SMYD1: variants seen among roughly 807,000 people sequenced by gnomAD.
SMYD1 encodes histone-lysine N-methyltransferase SMYD1.
In SMYD1, 49 loss-of-function variants were observed where a neutral mutation model predicts 54.0. The ratio of observed to expected loss-of-function variants is 0.91; its 90% CI spans 0.72 to 1.15. SMYD1 has a LOEUF of 1.15. SMYD1 is among the 50% of genes most tolerant of loss of function. SMYD1 has a pLI of 0.00. For synonymous variants in SMYD1, 269 were observed against 234.2 expected (o/e 1.15, Z -1.36); for missense variants, 653 against 639.6 (o/e 1.02, Z -0.23).
Position 88,113,025 on chromosome 2 carries a change from G to C in SMYD1, c.*2513G>C, listed in dbSNP as rs182088662. On this transcript the variant is annotated 3_prime_UTR_variant, in exon 10 of 10. Coordinates refer to ENST00000419482, the MANE Select transcript of SMYD1 (RefSeq NM_198274.4). ...TCCAGCCCCACTCATCCTCTCGGAT[G>C]TTCTGCAGGCCCAGCAAACTCATCA... 1.3e-5 allele frequency: 2 copies of C among 152,282 alleles called. No homozygotes were observed. Among genetic ancestry groups the C allele is most frequent in the Admixed American group, 6.5e-5 (1 of 15,306 alleles). The allele number at this position is 152,282 out of a possible 1,614,324, so 9.4% of individuals were successfully genotyped here.
intron 6 of SMYD1, among the ~76,000 whole-genome samples, chr2:88,101,815 AG>A: frequency 6.6e-6 from 1 of 152,164 alleles, no homozygotes; most frequent in East Asian, 1.9e-4. Flanking sequence ...CCTATTGTCC[AG>A]GTTGGTATCA....
intron 5 of SMYD1, among the ~76,000 whole-genome samples, chr2:88,093,809 A>G (rs1312330579): frequency 3.3e-5 from 5 of 151,868 alleles, no homozygotes; most frequent in Admixed American, 6.6e-5. Flanking sequence ...TGCTCTTCCA[A>G]CCTTGAAGCA....
Position 88,081,440 on chromosome 2 carries a change from CT to C in SMYD1, c.138-2862del, listed in dbSNP as rs1165739190. 6.6e-3 allele frequency among the ~76,000 whole-genome samples: 926 copies of C among 140,172 alleles called. 1 individual carries two copies. The highest frequency in any genetic ancestry group is 9.5e-3 in the Non-Finnish European group (609 of 63,814). 92.0% of individuals were successfully genotyped at this position (140,172 alleles called of 152,430 possible). ...ATTTGTAATTTGACCCTAATTTTTT[CT>C]TTTTTTTTTTTTTGAGACAGAGTCT... On this transcript the variant is annotated intron_variant, in intron 1 of 9. Transcript: ENST00000419482.
chr2:88,101,634 C>T (rs1674722417), intron 6 of SMYD1, among the ~76,000 whole-genome samples: 1 of 152,204 alleles, frequency 6.6e-6, no homozygotes, highest in South Asian at 2.1e-4. Flanking sequence ...GAGACAGGGT[C>T]TCACTCTGTC....
intron 5 of SMYD1, among the ~76,000 whole-genome samples, chr2:88,093,930 A>G (rs1674518740): frequency 6.6e-6 from 1 of 152,196 alleles, no homozygotes; most frequent in African/African-American, 2.4e-5. Context: ...GTCTGTTTAT[A>G]AGCCCCAACT....
chr2:88,090,466 T>G (rs1336155275), intron 3 of SMYD1, among the ~76,000 whole-genome samples: 8 of 152,232 alleles, frequency 5.3e-5, no homozygotes, highest in Non-Finnish European at 1.2e-4. Flanking sequence ...GCCTTGAATC[T>G]CAGAGATAAG....
intron 7 of SMYD1, among the ~76,000 whole-genome samples, chr2:88,104,562 G>A (rs1053149214): frequency 6.6e-6 from 1 of 152,188 alleles, no homozygotes; most frequent in African/African-American, 2.4e-5. Context: ...GGCTAGGTGT[G>A]GCTCTGGACA....
intron 4 of SMYD1, among the ~76,000 whole-genome samples, chr2:88,092,471 A>G (rs1674484392): frequency 6.6e-6 from 1 of 152,192 alleles, no homozygotes; most frequent in Admixed American, 6.5e-5. Context: ...AACAATGAGC[A>G]AGTTTCCCCC....
At chr2:88,086,003 G>A (rs1349923241) in intron 2 of SMYD1, among the ~76,000 whole-genome samples, 2 of 152,190 alleles carry the variant, frequency 1.3e-5, no homozygotes, top group Admixed American at 1.3e-4. Flanking sequence ...GGGACCCTGA[G>A]GTGATGGCAC....
chr2:88,091,268 A>C, intron 4 of SMYD1, 126 bp downstream of exon 4: 1 of 1,008,622 alleles, frequency 9.9e-7, no homozygotes, highest in Non-Finnish European at 1.4e-6. Flanking sequence ...AATGTATAGC[A>C]CATAGAAATC....
At position 88,067,890 on chromosome 2, in the gene SMYD1, T is replaced by TGGA; in HGVS notation, c.29_31dup (p.Glu10dup). ...ATGACAATAGGGAGAATGGAGAACG[T>TGGA]GGAGGTCTTCACCGCTGAGGGCAAA... On this transcript the variant is annotated inframe_insertion, in exon 1 of 10. Transcript: ENST00000419482. The TGGA allele has an allele frequency of 6.2e-7, 1 of 1,614,042 alleles. No homozygotes were observed. The highest frequency in any genetic ancestry group is 2.2e-5 in the East Asian group (1 of 44,874).
chr2:88,110,660 A>T lies in SMYD1; in HGVS notation c.*148A>T. On this transcript the variant is annotated 3_prime_UTR_variant, in exon 10 of 10. Transcript: ENST00000419482. Reference sequence around the variant, plus strand: ...GAATTTACTGCCCTATGTTTCCCAGAGCCATTTTGGCTCAATTCAAGTCTA... The same window carrying T: ...GAATTTACTGCCCTATGTTTCCCAGTGCCATTTTGGCTCAATTCAAGTCTA... The T allele has an allele frequency of 9.5e-7, 1 of 1,057,566 alleles. No individual in the cohort carries two copies. The highest frequency in any genetic ancestry group is 1.3e-6 in the Non-Finnish European group (1 of 767,242). The allele number at this position is 1,057,566 out of a possible 1,614,324, so 65.5% of individuals were successfully genotyped here. A position where few individuals can be genotyped will look rare whatever the true frequency, so the allele number is the denominator to read the frequency against.
chr2:88,106,389 A>G lies in SMYD1; in HGVS notation c.1046A>G (p.Tyr349Cys). The change falls in exon 8 of 10, where the codon TAC (tyrosine) becomes TGC (cysteine). Residue 349 changes from tyrosine (Y) to cysteine (C), a missense_variant. By Grantham distance (194) the Tyr-to-Cys change is radical. Transcript: ENST00000419482. ...CCAGTGTTTGCTGACACCAACATCT[A>G]CATGCTGCGGATGCTGAGCATTGTT... ...QEPVFADTNI[Y>C]MLRMLSIVSE... 6.2e-7 allele frequency: 1 copy of G among 1,614,178 alleles called. No homozygotes were observed.
intron 7 of SMYD1, among the ~76,000 whole-genome samples, chr2:88,105,819 T>G (rs1157500558): frequency 6.6e-6 from 1 of 152,068 alleles, no homozygotes; most frequent in African/African-American, 2.4e-5. Flanking sequence ...GCACCTGTAA[T>G]CCCAGCTACT....
At chr2:88,086,353 C>A (rs957335076) in intron 2 of SMYD1, among the ~76,000 whole-genome samples, 6 of 152,226 alleles carry the variant, frequency 3.9e-5, no homozygotes, top group African/African-American at 9.6e-5. Flanking sequence ...GGACCACCAT[C>A]CCCTCCCAGA....
chr2:88,093,652 C>A, intron 5 of SMYD1, 97 bp downstream of exon 5: 1 of 1,341,714 alleles, frequency 7.5e-7, no homozygotes, highest in Non-Finnish European at 1.1e-6. Context: ...TCTTGGCTGC[C>A]ATCTGTCCAT....
intron 1 of SMYD1, among the ~76,000 whole-genome samples, chr2:88,073,368 C>T (rs1423709929): frequency 1.3e-5 from 2 of 152,162 alleles, no homozygotes; most frequent in Non-Finnish European, 2.9e-5. Context: ...CTGTGATAAA[C>T]ATATGAGTGC....
chr2:88,088,381 A>G (rs2103993797), intron 3 of SMYD1, among the ~76,000 whole-genome samples: 1 of 152,290 alleles, frequency 6.6e-6, no homozygotes, highest in Non-Finnish European at 1.5e-5. Context: ...ATGATTCCTT[A>G]TCAAGGAGGG....
chr2:88,101,327 T>G (rs2104008684), intron 6 of SMYD1, among the ~76,000 whole-genome samples: 1 of 152,374 alleles, frequency 6.6e-6, no homozygotes, highest in African/African-American at 2.4e-5. Context: ...ACTGGTTAAA[T>G]AAGTTATCCT....
Sources: gnomAD v4.1 joint callset for allele counts (sites outside exome capture counted in the v4.1 genomes callset) on GRCh38, gnomAD v4.1.1 for gene constraint, MANE v1.5 for transcripts, NCBI Gene and HGNC (gene_info 2026-07-23, HGNC 2026-07-21) for gene names.